Variants in OPTN observed in about 807,000 individuals in gnomAD.
The protein encoded by OPTN is E3-14.7K-interacting protein.
In OPTN, 54 loss-of-function variants were observed where a neutral mutation model predicts 70.4. The observed-to-expected ratio is 0.77, with a 90% CI of 0.62 to 0.96. OPTN has a LOEUF of 0.96. Among genes scored for constraint, OPTN ranks in the 40% least tolerant of loss-of-function variants. The pLI, the probability that OPTN is intolerant of heterozygous loss-of-function variation, is 0.00. For synonymous variants in OPTN, 256 were observed against 248.5 expected, an observed-to-expected ratio of 1.03 and a Z score of -0.28; for missense variants, 624 against 673.2, an observed-to-expected ratio of 0.93 and a Z score of 0.81.
At position 13,127,638 on chromosome 10, in the gene OPTN, C is replaced by T. The variant is rs569955897; in HGVS notation, c.1243-107C>T. The T allele has an allele frequency of 3.2e-6, 4 of 1,263,882 alleles. No individual in the cohort carries two copies. The East Asian group carries it at 7.6e-5, about 24-fold the overall frequency. 78.3% of individuals were successfully genotyped at this position (1,263,882 alleles called of 1,614,324 possible). ...TCTCAATTCTAGGCATGAGCCACCA[C>T]ACCCGGCCAGAGCTGATAATTAAAA... On this transcript the variant is annotated intron_variant, in intron 11 of 14. Coordinates refer to ENST00000378747, the MANE Select transcript of OPTN (RefSeq NM_001008212.2).
chr10:13,110,967 G>A (rs1832983060), intron 4 of OPTN, among the ~76,000 whole-genome samples: 1 of 152,172 alleles, frequency 6.6e-6, no homozygotes, highest in African/African-American at 2.4e-5. Context: ...CTATCGCATT[G>A]CCACAGATGA....
intron 11 of OPTN, among the ~76,000 whole-genome samples, chr10:13,126,283 C>CCTTTTTTTTTTTTTTTT (rs771767144): frequency 2.2e-4 from 31 of 139,060 alleles, no homozygotes; most frequent in African/African-American, 7.6e-4. Flanking sequence ...CTTCGTATTT[C>CCTTTTTTTTTTTTTTTT]TTTTTTTTTT....
At chr10:13,116,524 A>G in intron 6 of OPTN, 184 bp downstream of exon 6, 1 of 663,598 alleles carries the variant, frequency 1.5e-6, no homozygotes, top group Non-Finnish European at 2.8e-6. Flanking sequence ...GGCAAAGATT[A>G]AAAACTGTTT....
At position 13,127,798 on chromosome 10, in the gene OPTN, G is replaced by A. The variant is rs1287524018; in HGVS notation, c.1296G>A (p.Leu432=). Residue 432 remains leucine (L), a synonymous_variant, in exon 12 of 15, where the codon CTG becomes CTA. Coordinates refer to ENST00000378747, the MANE Select transcript of OPTN (RefSeq NM_001008212.2). The part of the protein sequence containing the change: ...VLKELSEKLE[L]AEKALASKQL... ...AGGAACTGAGTGAAAAACTGGAACT[G>A]GCAGAGAAGGCTCTGGCTTCCAAAC... 6.2e-7 allele frequency: 1 copy of A among 1,614,158 alleles called. No homozygotes were observed. Among genetic ancestry groups the A allele is most frequent in the South Asian group, 1.1e-5 (1 of 91,082 alleles).
At chr10:13,110,127 CT>C in intron 3 of OPTN, 146 bp from the exon 4 acceptor site, 7 of 1,446,326 alleles carry the variant, frequency 4.8e-6, no homozygotes, top group Non-Finnish European at 6.5e-6. Context: ...ACCACTTCGT[CT>C]TTTTGCTGCT....
intron 6 of OPTN, 176 bp downstream of exon 6, chr10:13,116,516 C>A: frequency 1.5e-6 from 1 of 671,958 alleles, no homozygotes; most frequent in Non-Finnish European, 2.7e-6. Context: ...CTCAAACTGG[C>A]AAAGATTAAA....
chr10:13,130,921 T>A (rs766987109), intron 12 of OPTN, among the ~76,000 whole-genome samples: 4 of 152,066 alleles, frequency 2.6e-5, no homozygotes, highest in Non-Finnish European at 4.4e-5. Flanking sequence ...TAAAATGTTG[T>A]GTTGTTTTGT....
chr10:13,135,144 C>T (rs1833672475), intron 14 of OPTN, among the ~76,000 whole-genome samples: 1 of 152,168 alleles, frequency 6.6e-6, no homozygotes, highest in Admixed American at 6.6e-5. Context: ...CAAAAACAAA[C>T]ATTTTGAGAG....
chr10:13,130,785 A>C (rs1208280097), intron 12 of OPTN, among the ~76,000 whole-genome samples: 2 of 152,214 alleles, frequency 1.3e-5, no homozygotes, highest in African/African-American at 4.8e-5. Context: ...TAAACATAGA[A>C]AGTGAAAAAT....
intron 3 of OPTN, chr10:13,110,032 G>A (rs905913037): frequency 5.7e-5 from 32 of 560,938 alleles, no homozygotes; most frequent in Middle Eastern, 1.0e-3. Context: ...TGCTGTAGTG[G>A]CGGTACCCAA....
At chr10:13,111,460 G>T (rs1447952213) in intron 4 of OPTN, among the ~76,000 whole-genome samples, 2 of 152,282 alleles carry the variant, frequency 1.3e-5, no homozygotes, top group East Asian at 3.9e-4. Flanking sequence ...CGCTTTGGGA[G>T]GCTAGGGTGG....
chr10:13,109,695 C>T (rs1832951908), intron 3 of OPTN: 1 of 171,008 alleles, frequency 5.8e-6, no homozygotes, highest in Non-Finnish European at 1.2e-5. Context: ...AAAAGCTGGG[C>T]GTGGTGGTGC....
intron 14 of OPTN, among the ~76,000 whole-genome samples, chr10:13,134,045 C>T (rs1449813771): frequency 6.6e-6 from 1 of 152,070 alleles, no homozygotes; most frequent in Non-Finnish European, 1.5e-5. Flanking sequence ...CTGACCTCAA[C>T]TAACCTGCCT....
intron 5 of OPTN, among the ~76,000 whole-genome samples, chr10:13,114,813 A>G (rs1220025826): frequency 2.7e-4 from 2 of 7,318 alleles, no homozygotes; most frequent in Non-Finnish European, 7.3e-4. Context: ...CATATATATA[A>G]TTATATAATT....
Position 13,132,111 on chromosome 10 carries a change from A to G in OPTN, c.1446A>G (p.Arg482=). 1 of 1,613,608 alleles carries G rather than the reference A, an allele frequency of 6.2e-7. No individual in the cohort carries two copies. The highest frequency in any genetic ancestry group is 1.1e-5 in the South Asian group (1 of 91,078). The change falls in exon 13 of 15, where the codon AGA becomes AGG. Residue 482 remains arginine, a synonymous_variant. Transcript: ENST00000378747. Reference sequence around the variant, plus strand: ...ATTTTCATGCTGAAAGAGCAGCGAGAGAGAAAATTCATGAGGAAAAGGAGC... The same window carrying G: ...ATTTTCATGCTGAAAGAGCAGCGAGGGAGAAAATTCATGAGGAAAAGGAGC... ...CSDFHAERAA[R]EKIHEEKEQL...
chr10:13,100,752 G>A (rs1193998863), intron 1 of OPTN, among the ~76,000 whole-genome samples: 1 of 152,232 alleles, frequency 6.6e-6, no homozygotes, highest in African/African-American at 2.4e-5. Flanking sequence ...CACATAGACT[G>A]CTGTGTCTAG....
chr10:13,124,559 C>G (rs978623974), intron 9 of OPTN, among the ~76,000 whole-genome samples: 3 of 152,192 alleles, frequency 2.0e-5, no homozygotes, highest in African/African-American at 7.2e-5. Flanking sequence ...GAGCGTTTGG[C>G]ATTTGCTTGT....
intron 12 of OPTN, among the ~76,000 whole-genome samples, chr10:13,129,148 G>GT (rs1833537088): frequency 6.6e-6 from 1 of 152,066 alleles, no homozygotes; most frequent in Non-Finnish European, 1.5e-5. Context: ...AGAAAATGAG[G>GT]TAAGGGTAAA....
At chr10:13,114,747 CAATTATATAATTGCATATAT>C (rs1268905782) in intron 5 of OPTN, among the ~76,000 whole-genome samples, 757 of 51,400 alleles carry the variant, frequency 0.015, 29 homozygotes, top group African/African-American at 0.045. Flanking sequence ...ATATATTCTA[CAATTATATAATTGCATATAT>C]AATTATATAA....
Sources: gnomAD v4.1 joint callset for allele counts (sites outside exome capture counted in the v4.1 genomes callset) on GRCh38, gnomAD v4.1.1 for gene constraint, MANE v1.5 for transcripts, NCBI Gene and HGNC (gene_info 2026-07-23, HGNC 2026-07-21) for gene names.